Variants in NFATC2 observed in about 807,000 individuals in gnomAD.
NFATC2 encodes nuclear factor of activated T-cells, cytoplasmic 2.
Under a neutral mutation model 87.3 loss-of-function variants are expected in NFATC2, and 22 were observed. That is an observed-to-expected ratio of 0.25 (90% CI 0.18 to 0.36). The LOEUF is 0.36. Ranked by LOEUF, NFATC2 falls within the 10% of genes least tolerant of loss-of-function variation. NFATC2 has a pLI of 1.00. For synonymous variants in NFATC2, 565 were observed against 542.2 expected, an observed-to-expected ratio of 1.04 and a Z score of -0.58; for missense variants, 1,149 against 1,259.1, an observed-to-expected ratio of 0.91 and a Z score of 1.32.
intron 10 of NFATC2, among the ~76,000 whole-genome samples, chr20:51,397,445 A>C (rs1020774046): frequency 6.6e-6 from 1 of 152,242 alleles, no homozygotes; most frequent in African/African-American, 2.4e-5. Flanking sequence ...CACGCTGGTC[A>C]GAGTCAGCCA....
intron 3 of NFATC2, among the ~76,000 whole-genome samples, chr20:51,486,288 C>G (rs1989705636): frequency 1.3e-5 from 2 of 152,148 alleles, no homozygotes; most frequent in South Asian, 4.1e-4. Context: ...CCGCCCATAT[C>G]ACCAGCTTCA....
chr20:51,461,014 A>C (rs912416939), intron 5 of NFATC2, among the ~76,000 whole-genome samples: 1 of 152,200 alleles, frequency 6.6e-6, no homozygotes, highest in South Asian at 2.1e-4. Context: ...CACACTTAAG[A>C]GGCCACCTGA....
At position 51,475,724 on chromosome 20, in the gene NFATC2, A is replaced by C. The variant is rs1455347496; in HGVS notation, c.1333-64T>G. On this transcript the variant is annotated intron_variant, in intron 3 of 10. Transcript: ENST00000371564. ...GTGGTGGCTCTAATCCAATAAACAA[A>C]AAAAGACCAGAGAGCTCATGGGCAG... 3 of 1,511,850 alleles carry C rather than the reference A, an allele frequency of 2.0e-6. No homozygotes were observed. In the East Asian group the frequency reaches 7.0e-5, roughly 35 times the overall value. The allele number at this position is 1,511,850 out of a possible 1,614,324, so 93.7% of individuals were successfully genotyped here.
chr20:51,398,471 CCAGGAGTGTCCACTT>C (rs1174245360), intron 10 of NFATC2, among the ~76,000 whole-genome samples, 157 bp downstream of exon 10: 2 of 151,998 alleles, frequency 1.3e-5, no homozygotes, highest in Non-Finnish European at 2.9e-5. Context: ...AGGGAGGTCC[CCAGGAGTGTCCACTT>C]CAGGAGTGGA....
intron 6 of NFATC2, among the ~76,000 whole-genome samples, chr20:51,446,532 G>C (rs985356282): frequency 3.3e-5 from 5 of 152,140 alleles, no homozygotes; most frequent in Non-Finnish European, 5.9e-5. Flanking sequence ...TTTGGTACCA[G>C]GAACAATTTC....
intron 3 of NFATC2, among the ~76,000 whole-genome samples, chr20:51,510,474 CGT>C (rs2076255109): frequency 6.6e-6 from 1 of 152,196 alleles, no homozygotes; most frequent in Non-Finnish European, 1.5e-5. Flanking sequence ...CCACCAAAAG[CGT>C]GTGGCTCTTT....
intron 3 of NFATC2, among the ~76,000 whole-genome samples, chr20:51,490,449 T>C (rs945617396): frequency 6.6e-6 from 1 of 152,232 alleles, no homozygotes; most frequent in Non-Finnish European, 1.5e-5. Flanking sequence ...GACACACCAC[T>C]GTTCCCCAAC....
chr20:51,523,843 G>T lies in NFATC2; in HGVS notation c.398C>A (p.Ala133Glu). Residue 133 changes from alanine (A) to glutamate (E), a missense_variant, in exon 2 of 11, where the codon GCG (alanine) becomes GAG (glutamate). Transcript: ENST00000371564. The surrounding 1 kb of genome is among the most constrained non-coding windows in gnomAD (Gnocchi z 6.9). ...QAVGPLRMRDAGLLVEQPPLA... is the reference protein window; with the variant it reads ...QAVGPLRMRDEGLLVEQPPLA... ...GGGCGGCTGCTCCACCAGGAGGCCC[G>T]CGTCTCTCATGCGGAGGGGCCCCAC... is the stretch of plus-strand genomic sequence containing the variant. 6.2e-7 allele frequency: 1 copy of T among 1,610,710 alleles called. No individual in the cohort carries two copies. The highest frequency in any genetic ancestry group is 8.5e-7 in the Non-Finnish European group (1 of 1,178,510).
chr20:51,448,337 G>A (rs1985336935), intron 6 of NFATC2, among the ~76,000 whole-genome samples: 1 of 152,186 alleles, frequency 6.6e-6, no homozygotes, highest in Admixed American at 6.5e-5. Context: ...GAGGCCGCAG[G>A]CTTGAAAAGA....
In NFATC2 at chr20:51,524,634, G is replaced by A. The variant is rs543046845; in HGVS notation, c.131-524C>T. Among the ~76,000 whole-genome samples, 15 of 152,190 alleles carry A rather than the reference G, an allele frequency of 9.9e-5. No individual in the cohort carries two copies. In the East Asian group the frequency reaches 1.7e-3, roughly 18 times the overall value. ...TATGGCAGCACTCTACACACATGACGTGGACGCAGGACACAGAGGGAGGCT... is the reference window on the plus strand; with the variant it reads ...TATGGCAGCACTCTACACACATGACATGGACGCAGGACACAGAGGGAGGCT... On this transcript the variant is annotated intron_variant, in intron 1 of 10. Coordinates refer to ENST00000371564, the MANE Select transcript of NFATC2 (RefSeq NM_012340.5). This position sits in a 1 kb window ranked among gnomAD's most constrained non-coding sequence, Gnocchi z 4.0.
At chr20:51,398,580 A>T in intron 10 of NFATC2, 63 bp downstream of exon 10, 1 of 1,263,904 alleles carries the variant, frequency 7.9e-7, no homozygotes, top group Non-Finnish European at 1.1e-6. Flanking sequence ...TAAAAAAAAA[A>T]AAATTCAAGT....
At chr20:51,521,823 C>G (rs1291882097) in intron 2 of NFATC2, among the ~76,000 whole-genome samples, 1 of 152,166 alleles carries the variant, frequency 6.6e-6, no homozygotes, top group East Asian at 1.9e-4. Context: ...ATAATACAAA[C>G]CAAGTTTCTG....
intron 3 of NFATC2, among the ~76,000 whole-genome samples, chr20:51,515,357 C>T (rs1441907390): frequency 6.6e-6 from 1 of 152,234 alleles, no homozygotes; most frequent in Non-Finnish European, 1.5e-5. Context: ...AATGGCCATG[C>T]CTTCAGAACA....
chr20:51,475,367 G>A, intron 4 of NFATC2, 91 bp downstream of exon 4: 3 of 1,238,806 alleles, frequency 2.4e-6, no homozygotes, highest in South Asian at 2.5e-5. Context: ...GCTTCCATCA[G>A]TTCTGTAGAG....
At chr20:51,404,429 A>G (rs1988357245) in intron 9 of NFATC2, among the ~76,000 whole-genome samples, 1 of 152,234 alleles carries the variant, frequency 6.6e-6, no homozygotes, top group Non-Finnish European at 1.5e-5. Flanking sequence ...GGCACATCAT[A>G]AGAACTCTGT....
chr20:51,511,269 T>C (rs1253001750), intron 3 of NFATC2, among the ~76,000 whole-genome samples: 1 of 152,220 alleles, frequency 6.6e-6, no homozygotes, highest in Non-Finnish European at 1.5e-5. Flanking sequence ...GCTTGTCTGT[T>C]TGTGATCTTG....
At chr20:51,555,622 T>C (rs534523786) in intron 1 of NFATC2, among the ~76,000 whole-genome samples, 107 of 151,494 alleles carry the variant, frequency 7.1e-4, no homozygotes, top group African/African-American at 1.1e-3. Context: ...TATGTGATCC[T>C]GTCCCACGAT....
intron 5 of NFATC2, among the ~76,000 whole-genome samples, chr20:51,460,429 A>G (rs973352582): frequency 1.3e-5 from 2 of 152,194 alleles, no homozygotes; most frequent in African/African-American, 4.8e-5. Flanking sequence ...AAGTTCATCA[A>G]AAGCGTGTCT....
chr20:51,442,800 G>T (rs1409871160), intron 6 of NFATC2, among the ~76,000 whole-genome samples: 1 of 151,888 alleles, frequency 6.6e-6, no homozygotes, highest in African/African-American at 2.4e-5. Context: ...GCCTGAGAGG[G>T]AGGCTGGGCA....
Sources: allele counts gnomAD v4.1 joint callset (sites outside exome capture counted in the v4.1 genomes callset), GRCh38; gene constraint gnomAD v4.1.1; non-coding constraint Gnocchi (gnomAD v3.1); transcripts MANE v1.5; gene names NCBI Gene and HGNC (gene_info 2026-07-23, HGNC 2026-07-21).